Variants in SPATA13 observed in about 807,000 individuals in gnomAD.
SPATA13 encodes spermatogenesis-associated protein 13.
SPATA13 carries 50 observed loss-of-function variants against 104.0 expected under a neutral mutation model. That is an observed-to-expected ratio of 0.48 (90% CI 0.38 to 0.61). SPATA13 has a LOEUF of 0.61. Ranked by LOEUF, SPATA13 falls within the 20% of genes least tolerant of loss-of-function variation. SPATA13 has a pLI of 0.00. For synonymous variants in SPATA13, 606 were observed against 667.5 expected (o/e 0.91, Z 1.42); for missense variants, 1,524 against 1,690.6 (o/e 0.90, Z 1.73).
intron 2 of SPATA13, among the ~76,000 whole-genome samples, chr13:24,245,326 C>G (rs964396797): frequency 2.0e-5 from 3 of 151,208 alleles, no homozygotes; most frequent in Non-Finnish European, 4.4e-5. Flanking sequence ...CATCAAAGTT[C>G]AAATTTGTTT....
In SPATA13 at chr13:24,093,922, C is replaced by T. The variant is rs79008919; in HGVS notation, c.-112+76221C>T. The stretch of plus-strand genomic sequence containing the variant: ...TGATGCAGCCTCAACTGTAATCAGA[C>T]TATATACCTCAGGCCTCTCCCCGTC... On this transcript the variant is annotated intron_variant, in intron 3 of 14. Coordinates refer to the SPATA13 transcript ENST00000424834. Among the ~76,000 whole-genome samples the T allele has an allele frequency of 5.0e-3, 749 of 149,832 alleles. 16 individuals carry two copies. In the East Asian group the frequency reaches 0.068, roughly 14 times the overall value.
chr13:24,300,321 G>A, intron 11 of SPATA13, 80 bp from the exon 12 acceptor site: 2 of 1,093,292 alleles, frequency 1.8e-6, no homozygotes, highest in East Asian at 4.9e-5. Flanking sequence ...CCTCAATGCT[G>A]ATATGGGCTG....
intron 3 of SPATA13, among the ~76,000 whole-genome samples, chr13:24,045,301 G>A (rs1878100385): frequency 6.6e-6 from 1 of 152,070 alleles, no homozygotes; most frequent in Non-Finnish European, 1.5e-5. Flanking sequence ...CATGACCTTT[G>A]TATTATGTTT....
intron 1 of SPATA13, 134 bp from the exon 2 acceptor site, chr13:24,222,685 A>C: frequency 7.5e-6 from 5 of 664,444 alleles, no homozygotes; most frequent in Non-Finnish European, 4.9e-6. Context: ...ATGGAGGGGA[A>C]ATGTACAGTT....
chr13:24,065,346 G>A (rs143024769), intron 3 of SPATA13, among the ~76,000 whole-genome samples: 1 of 152,114 alleles, frequency 6.6e-6, no homozygotes, highest in Non-Finnish European at 1.5e-5. Context: ...GGTAGCAGAT[G>A]GGAGGCAGAG....
At chr13:24,027,894 A>G (rs750347595) in intron 3 of SPATA13, among the ~76,000 whole-genome samples, 2 of 151,868 alleles carry the variant, frequency 1.3e-5, no homozygotes, top group Non-Finnish European at 2.9e-5. Flanking sequence ...TATGCTCTTT[A>G]CTCTTCCTCA....
intron 3 of SPATA13, among the ~76,000 whole-genome samples, chr13:24,151,189 G>A (rs879341426): frequency 6.6e-6 from 1 of 152,200 alleles, no homozygotes; most frequent in Middle Eastern, 3.4e-3. Context: ...GCTTCCTCCC[G>A]CAGTGCTGAG....
At chr13:24,251,462 C>G (rs1418569106) in intron 3 of SPATA13, 11 of 985,160 alleles carry the variant, frequency 1.1e-5, no homozygotes, top group Non-Finnish European at 1.3e-5. Flanking sequence ...TTAGTGTGAC[C>G]TATTGGCATG....
chr13:24,178,766 T>A (rs533223699), intron 1 of SPATA13, among the ~76,000 whole-genome samples: 3 of 152,334 alleles, frequency 2.0e-5, no homozygotes, highest in African/African-American at 4.8e-5. Context: ...TTCTTTTTTT[T>A]AACAGCTTTA....
chr13:24,008,709 T>G (rs972559389), intron 2 of SPATA13, among the ~76,000 whole-genome samples: 2 of 152,178 alleles, frequency 1.3e-5, no homozygotes, highest in Non-Finnish European at 2.9e-5. Context: ...GAATCTGCTG[T>G]GAGTCACCTG....
chr13:24,057,320 C>T (rs1878601787), intron 3 of SPATA13, among the ~76,000 whole-genome samples: 1 of 151,630 alleles, frequency 6.6e-6, no homozygotes, highest in African/African-American at 2.4e-5. Context: ...TGGCGCTTTG[C>T]ACTCCCACTG....
intron 3 of SPATA13, among the ~76,000 whole-genome samples, chr13:24,037,356 A>T (rs532538987): frequency 7.8e-4 from 118 of 151,040 alleles, no homozygotes; most frequent in Non-Finnish European, 1.4e-3. Flanking sequence ...GTATAATTTT[A>T]AAAAAATTAA....
chr13:24,051,086 CG>C lies in SPATA13; in HGVS notation c.-112+33387del, dbSNP rs1352800152. On this transcript the variant is annotated intron_variant, in intron 3 of 14. Coordinates refer to the SPATA13 transcript ENST00000424834. The surrounding 1 kb of genome is among the most constrained non-coding windows in gnomAD (Gnocchi z 4.2). ...CTGTGGGAGCACCTCTTTCCTTCTC[CG>C]GATTTCCCCCACCTTTTATGAATGT... Among the ~76,000 whole-genome samples, 1 of 152,168 alleles carries C rather than the reference CG, an allele frequency of 6.6e-6. No individual in the cohort carries two copies. Among genetic ancestry groups the C allele is most frequent in the East Asian group, 1.9e-4 (1 of 5,198 alleles).
At chr13:24,069,315 T>C (rs890518818) in intron 3 of SPATA13, among the ~76,000 whole-genome samples, 2 of 152,210 alleles carry the variant, frequency 1.3e-5, no homozygotes, top group African/African-American at 4.8e-5. Flanking sequence ...GGTTTGTAGT[T>C]CTCCTTGTAA....
chr13:24,261,036 G>A (rs1449178927), intron 4 of SPATA13, among the ~76,000 whole-genome samples: 1 of 152,218 alleles, frequency 6.6e-6, no homozygotes, highest in Non-Finnish European at 1.5e-5. Flanking sequence ...AGAGGAGGAG[G>A]CTGAGAGGTG....
chr13:24,070,054 C>A (rs1433132815), intron 3 of SPATA13, among the ~76,000 whole-genome samples: 3 of 152,232 alleles, frequency 2.0e-5, no homozygotes, highest in African/African-American at 7.2e-5. Context: ...ATTTGAGGAA[C>A]ATCTTCTCAG....
chr13:24,071,533 C>T (rs781573754), intron 3 of SPATA13, among the ~76,000 whole-genome samples: 9 of 152,172 alleles, frequency 5.9e-5, no homozygotes, highest in East Asian at 3.9e-4. Flanking sequence ...TATCCTCAAT[C>T]GCTTCTGTCT....
intron 3 of SPATA13, among the ~76,000 whole-genome samples, chr13:24,044,661 T>C (rs1354624564): frequency 2.0e-5 from 3 of 152,246 alleles, no homozygotes; most frequent in African/African-American, 7.2e-5. Context: ...ACTTGCCATT[T>C]CTTTGTGATA....
intron 2 of SPATA13, among the ~76,000 whole-genome samples, chr13:24,009,956 T>C (rs2070996638): frequency 6.6e-6 from 1 of 152,216 alleles, no homozygotes; most frequent in South Asian, 2.1e-4. Flanking sequence ...TACAATTTTA[T>C]TTTTGGTTTA....
Sources: allele counts gnomAD v4.1 joint callset (sites outside exome capture counted in the v4.1 genomes callset), GRCh38; gene constraint gnomAD v4.1.1; non-coding constraint Gnocchi (gnomAD v3.1); transcripts MANE v1.5; gene names NCBI Gene and HGNC (gene_info 2026-07-23, HGNC 2026-07-21).